PRELID2: variants seen among roughly 807,000 people sequenced by gnomAD.
The protein encoded by PRELID2 is PRELI domain-containing protein 2.
A neutral mutation model predicts 28.4 loss-of-function variants in PRELID2; 25 were observed. The ratio of observed to expected loss-of-function variants is 0.88; its 90% CI spans 0.64 to 1.23. The LOEUF (loss-of-function observed/expected upper bound fraction) is 1.23, where lower values mean the gene tolerates loss of function less well. Among genes scored for constraint, PRELID2 ranks in the 50% most tolerant of loss-of-function variants. PRELID2 has a pLI of 0.00. For missense variants in PRELID2, 201 were observed against 214.4 expected (o/e 0.94, Z 0.39); for synonymous variants, 76 against 71.6 (o/e 1.06, Z -0.31).
downstream of PRELID2, among the ~76,000 whole-genome samples, chr5:145,468,284 T>C (rs1315085564): frequency 1.3e-5 from 2 of 152,182 alleles, no homozygotes; most frequent in African/African-American, 4.8e-5. Context: ...CCATGGTATA[T>C]ATGTGCCACA....
chr5:145,639,263 T>C (rs536252538), intron 1 of PRELID2, among the ~76,000 whole-genome samples: 1 of 152,184 alleles, frequency 6.6e-6, no homozygotes, highest in East Asian at 1.9e-4. Flanking sequence ...ATAAATATCA[T>C]ATACAGATCA....
the PRELID2 span, among the ~76,000 whole-genome samples, chr5:145,327,163 T>G: frequency 2.0e-5 from 3 of 152,118 alleles, no homozygotes; most frequent in African/African-American, 7.2e-5. Context: ...AGGTCCACTG[T>G]TTTTTTACTG....
chr5:145,466,330 G>A, the PRELID2 span, among the ~76,000 whole-genome samples: 1 of 152,008 alleles, frequency 6.6e-6, no homozygotes, highest in Non-Finnish European at 1.5e-5. Context: ...TTCATTATGA[G>A]TAATAAAAGG....
At chr5:145,343,619 A>C in the PRELID2 span, among the ~76,000 whole-genome samples, 1 of 152,056 alleles carries the variant, frequency 6.6e-6, no homozygotes, top group Admixed American at 6.6e-5. Context: ...TTAGAAAAAC[A>C]AGATCAAACC....
At chr5:145,820,510 G>T (rs540196873) in intron 2 of PRELID2, among the ~76,000 whole-genome samples, 1 of 152,160 alleles carries the variant, frequency 6.6e-6, no homozygotes, top group African/African-American at 2.4e-5. Flanking sequence ...TCAACAAAAA[G>T]AGGGAGAACC....
the PRELID2 span, among the ~76,000 whole-genome samples, chr5:145,281,657 G>A: frequency 2.0e-5 from 3 of 152,320 alleles, no homozygotes; most frequent in South Asian, 4.1e-4. Flanking sequence ...AATGAGCAGA[G>A]ATAACATGTC....
At chr5:145,259,229 G>C in the PRELID2 span, among the ~76,000 whole-genome samples, 1 of 152,234 alleles carries the variant, frequency 6.6e-6, no homozygotes, top group African/African-American at 2.4e-5. Context: ...GAGCAGTGAA[G>C]AGGGGAAATA....
intron 1 of PRELID2, among the ~76,000 whole-genome samples, chr5:145,642,834 G>A (rs560989819): frequency 8.2e-4 from 125 of 152,152 alleles, no homozygotes; most frequent in Non-Finnish European, 1.5e-3. Flanking sequence ...GTAGATGTGT[G>A]GTGTTATTTC....
chr5:145,625,484 C>T (rs1052271069), intron 1 of PRELID2, among the ~76,000 whole-genome samples: 1 of 152,076 alleles, frequency 6.6e-6, no homozygotes, highest in Non-Finnish European at 1.5e-5. Context: ...ACAGTATATG[C>T]TAACATTTTT....
chr5:145,250,256 T>C, the PRELID2 span, among the ~76,000 whole-genome samples: 2 of 152,126 alleles, frequency 1.3e-5, no homozygotes, highest in African/African-American at 4.8e-5. Context: ...AGGTTTGCAA[T>C]ATGCAGTATT....
At chr5:145,713,671 G>GTATATATATA (rs1441387879) in intron 1 of PRELID2, among the ~76,000 whole-genome samples, 1 of 92,380 alleles carries the variant, frequency 1.1e-5, no homozygotes, top group Admixed American at 1.1e-4. Flanking sequence ...TATAGTGTGT[G>GTATATATATA]TATATATATA....
chr5:145,459,374 C>CT, the PRELID2 span, among the ~76,000 whole-genome samples: 1 of 152,018 alleles, frequency 6.6e-6, no homozygotes, highest in Non-Finnish European at 1.5e-5. Flanking sequence ...GAGCAATTGC[C>CT]TTTTTTATTT....
intron 1 of PRELID2, among the ~76,000 whole-genome samples, chr5:145,734,816 ATAGT>A (rs1382761172): frequency 2.0e-5 from 3 of 152,244 alleles, no homozygotes; most frequent in East Asian, 1.9e-4. Context: ...GTCTAATCAC[ATAGT>A]TAGTAAATGG....
chr5:145,625,521 G>T (rs1753833668), intron 1 of PRELID2, among the ~76,000 whole-genome samples: 1 of 152,138 alleles, frequency 6.6e-6, no homozygotes, highest in South Asian at 2.1e-4. Context: ...CTCTTCAAAT[G>T]CAGAAAGCAA....
intron 1 of PRELID2, among the ~76,000 whole-genome samples, chr5:145,486,273 T>G (rs1274880710): frequency 6.6e-6 from 1 of 152,216 alleles, no homozygotes; most frequent in African/African-American, 2.4e-5. Flanking sequence ...TTAATTGTTA[T>G]AGTTTGCATG....
At chr5:145,741,392 TTATA>T (rs1756733577) in intron 1 of PRELID2, among the ~76,000 whole-genome samples, 1 of 106,242 alleles carries the variant, frequency 9.4e-6, no homozygotes, top group Non-Finnish European at 1.7e-5. Context: ...TATAAATTAT[TTATA>T]TATAAACAAA....
chr5:145,384,373 G>C, the PRELID2 span, among the ~76,000 whole-genome samples: 1 of 152,136 alleles, frequency 6.6e-6, no homozygotes, highest in African/African-American at 2.4e-5. Flanking sequence ...ATCAACAGGA[G>C]AATGGATACA....
intron 1 of PRELID2, among the ~76,000 whole-genome samples, chr5:145,637,647 GAC>G (rs1005349275): frequency 6.6e-6 from 1 of 152,178 alleles, no homozygotes; most frequent in Non-Finnish European, 1.5e-5. Context: ...GGCACATGAG[GAC>G]CAAGAGAATT....
chr5:145,738,981 AT>A, intron 1 of PRELID2, among the ~76,000 whole-genome samples: 1 of 152,276 alleles, frequency 6.6e-6, no homozygotes, highest in South Asian at 2.1e-4. Context: ...AAAACAGTGG[AT>A]TTATCATCAG....
Sources: gnomAD v4.1 joint callset for allele counts (sites outside exome capture counted in the v4.1 genomes callset) on GRCh38, gnomAD v4.1.1 for gene constraint, MANE v1.5 for transcripts, NCBI Gene and HGNC (gene_info 2026-07-23, HGNC 2026-07-21) for gene names.